Variants in DDHD2 observed in about 807,000 individuals in gnomAD.
DDHD2 encodes triacylglycerol hydrolase DDHD2.
DDHD2 carries 62 observed loss-of-function variants against 91.2 expected under a neutral mutation model. The observed-to-expected ratio is 0.68, with a 90% CI of 0.55 to 0.84. The LOEUF is 0.84. DDHD2 is among the 40% of genes least tolerant of loss of function. The pLI, the probability that DDHD2 is intolerant of heterozygous loss-of-function variation, is 0.00. For synonymous variants in DDHD2, 271 were observed against 293.9 expected (o/e 0.92, Z 0.80); for missense variants, 740 against 846.9 (o/e 0.87, Z 1.57).
downstream of DDHD2, chr8:38,264,993 G>A (rs748146050): frequency 5.1e-6 from 7 of 1,371,608 alleles, no homozygotes; most frequent in Admixed American, 8.4e-5. Flanking sequence ...TTCTCGCCGG[G>A]CACGGTGACT....
At position 38,252,952 on chromosome 8, in the gene DDHD2, T is replaced by G. The variant is rs1357537443; in HGVS notation, c.1721-5T>G. ...CATTTAATGTTCTTTATTTATATGT[T>G]TCAGAACTGAGAGAGGGCTTGACCA... On this transcript the variant is annotated splice_polypyrimidine_tract_variant and splice_region_variant and intron_variant, in intron 14 of 17. Coordinates refer to ENST00000397166, the MANE Select transcript of DDHD2 (RefSeq NM_015214.3). 1.2e-6 allele frequency: 2 copies of G among 1,613,672 alleles called. No individual in the cohort carries two copies. Among genetic ancestry groups the G allele is most frequent in the African/African-American group, 1.3e-5 (1 of 74,898 alleles).
rs757576681 is a variant in DDHD2 at position 38,252,160 on chromosome 8, A to G, written c.1490A>G (p.Tyr497Cys). 1.9e-6 allele frequency: 3 copies of G among 1,614,108 alleles called. No homozygotes were observed. The highest frequency in any genetic ancestry group is 1.1e-5 in the South Asian group (1 of 91,060). Residue 497 changes from tyrosine (Y) to cysteine (C), a missense_variant, in exon 13 of 18, where the codon TAT becomes TGT. Coordinates refer to ENST00000397166, the MANE Select transcript of DDHD2 (RefSeq NM_015214.3). ...TCTGTGAAATACCCCCGGCTCATCT[A>G]TAAACCAGAGATATTCTTTGCCTTT... ...QVSVKYPRLI[Y>C]KPEIFFAFGS...
intron 1 of DDHD2, chr8:38,269,100 C>T (rs1277226314): frequency 2.0e-6 from 3 of 1,525,890 alleles, no homozygotes; most frequent in Non-Finnish European, 2.6e-6. Context: ...CGGGGCCGCC[C>T]GGGCCCGGCC....
At chr8:38,248,757 C>T (rs956103104) in intron 10 of DDHD2, among the ~76,000 whole-genome samples, 3 of 151,584 alleles carry the variant, frequency 2.0e-5, no homozygotes, top group African/African-American at 7.3e-5. Context: ...CCAATCTAGT[C>T]AACATGGTGA....
chr8:38,235,573 T>G (rs1804651670), intron 3 of DDHD2, among the ~76,000 whole-genome samples: 1 of 151,292 alleles, frequency 6.6e-6, no homozygotes, highest in South Asian at 2.1e-4. Flanking sequence ...AATACAAAAT[T>G]AGCTGGGCAC....
intron 1 of DDHD2, chr8:38,232,259 C>T (rs1308262583): frequency 1.3e-5 from 2 of 152,464 alleles, no homozygotes; most frequent in African/African-American, 4.8e-5. Flanking sequence ...TAGAAGTGTC[C>T]TTCTGGTGCC....
chr8:38,252,686 G>A, intron 13 of DDHD2, 36 bp from the exon 14 acceptor site: 1 of 1,444,390 alleles, frequency 6.9e-7, no homozygotes, highest in Non-Finnish European at 9.7e-7. Flanking sequence ...ACTGTGCTTA[G>A]CAGAGGTAAA....
At chr8:38,242,872 G>A (rs975582928) in intron 7 of DDHD2, among the ~76,000 whole-genome samples, 15 of 152,182 alleles carry the variant, frequency 9.9e-5, no homozygotes, top group Admixed American at 7.9e-4. Context: ...TAAGGTACAA[G>A]ACCATTAGTT....
rs1207777254 is a variant in DDHD2 at position 38,233,172 on chromosome 8, A to G, written c.178A>G (p.Asn60Asp). 2 of 1,614,150 alleles carry G rather than the reference A, an allele frequency of 1.2e-6. No homozygotes were observed. The highest frequency in any genetic ancestry group is 1.7e-5 in the Admixed American group (1 of 60,016). ...TTCTAAGGAGACATGGATTCCTTTC[A>G]ACTCTGAGGATTCACAGCAGCTGGA... ...IDSKETWIPFNSEDSQQLEEA... is the reference protein window; with the variant it reads ...IDSKETWIPFDSEDSQQLEEA... Residue 60 changes from asparagine (N) to aspartate (D), a missense_variant, in exon 2 of 18, where the codon AAC (asparagine) becomes GAC (aspartate). Asn to Asp is a conservative substitution (Grantham distance 23). This residue lies in a region of DDHD2 where 693 missense variants were observed against 764.2 expected (regional missense o/e 0.91). Coordinates refer to ENST00000397166, the MANE Select transcript of DDHD2 (RefSeq NM_015214.3).
rs1315630641 is a variant in DDHD2, at chr8:38,260,051, A to G, written c.2066A>G (p.Asp689Gly). 6.2e-7 allele frequency: 1 copy of G among 1,611,354 alleles called. No individual in the cohort carries two copies. The highest frequency in any genetic ancestry group is 1.3e-5 in the African/African-American group (1 of 74,864). The change falls in exon 17 of 18, where the codon GAT (aspartate) becomes GGT (glycine). Residue 689 changes from aspartate to glycine, a missense_variant. Around this residue, in one of 2 missense-constraint regions of DDHD2, gnomAD observed 47 missense variants for 82.6 expected, o/e 0.57. Coordinates refer to ENST00000397166, the MANE Select transcript of DDHD2 (RefSeq NM_015214.3). ...TTTTCTCTTTATAGGGAGTCTGAAG[A>G]TACAGTATTGCTCGTCCTCAAAGAG... ...QSHLCYWESE[D>G]TVLLVLKEIY... is the part of the protein sequence containing the mutation.
At chr8:38,267,371 T>A (rs1286068459), downstream of DDHD2, 1 of 1,613,730 alleles carries the variant, frequency 6.2e-7, no homozygotes, top group Non-Finnish European at 8.5e-7. Flanking sequence ...GAAGCAGCGG[T>A]AGAAGAAATC....
At chr8:38,259,751 C>G (rs1806826719) in intron 16 of DDHD2, among the ~76,000 whole-genome samples, 1 of 152,168 alleles carries the variant, frequency 6.6e-6, no homozygotes, top group South Asian at 2.1e-4. Flanking sequence ...AATTCCAGAC[C>G]TGTAGTGACT....
intron 15 of DDHD2, 158 bp downstream of exon 15, chr8:38,253,285 C>A: frequency 1.1e-6 from 1 of 872,778 alleles, no homozygotes; most frequent in Non-Finnish European, 1.7e-6. Context: ...TCTATTCCTG[C>A]TTGCATTTAG....
chr8:38,260,307 G>GA (rs543079094), intron 17 of DDHD2, 160 bp downstream of exon 17: 9 of 493,356 alleles, frequency 1.8e-5, no homozygotes, highest in Non-Finnish European at 3.3e-5. Context: ...AATTCATGGG[G>GA]AAAAAAACAC....
chr8:38,261,941 G>A lies in DDHD2; in HGVS notation c.*1368G>A, dbSNP rs1203823206. ...ATTGTTTATAAATTTTTTTATAAAT[G>A]TTATGGTATTCAAAGCCACTGACAT... On this transcript the variant is annotated 3_prime_UTR_variant, in exon 18 of 18. Transcript: ENST00000397166. The A allele has an allele frequency of 3.3e-5, 5 of 152,102 alleles. No individual in the cohort carries two copies. The highest frequency in any genetic ancestry group is 5.9e-5 in the Non-Finnish European group (4 of 68,022). 9.4% of individuals were successfully genotyped at this position (152,102 alleles called of 1,614,324 possible).
chr8:38,267,543 G>GA, downstream of DDHD2: 1 of 870,070 alleles, frequency 1.1e-6, no homozygotes, highest in African/African-American at 1.8e-5. Flanking sequence ...CACACTAAGA[G>GA]AAAAGCCTTT....
intron 6 of DDHD2, 104 bp downstream of exon 6, chr8:38,240,468 G>T (rs1197503577): frequency 3.6e-6 from 3 of 823,008 alleles, no homozygotes; most frequent in Non-Finnish European, 5.7e-6. Flanking sequence ...AAGATTTGGA[G>T]AGTTAAAGAC....
chr8:38,269,325 C>T (rs892580810), intron 1 of DDHD2: 18 of 1,033,270 alleles, frequency 1.7e-5, no homozygotes, highest in African/African-American at 3.4e-5. Flanking sequence ...GGAAGACGGC[C>T]TGGCGGCTGT....
chr8:38,240,781 G>A (rs1585715443), intron 6 of DDHD2, among the ~76,000 whole-genome samples: 2 of 152,110 alleles, frequency 1.3e-5, no homozygotes, highest in South Asian at 2.1e-4. Flanking sequence ...ATTTTGAAAG[G>A]TGTCCTCTAG....
Sources: gnomAD v4.1 joint callset for allele counts (sites outside exome capture counted in the v4.1 genomes callset) on GRCh38, gnomAD v4.1.1 for gene constraint, gnomAD v4.1.1 regional missense constraint, MANE v1.5 for transcripts, NCBI Gene and HGNC (gene_info 2026-07-23, HGNC 2026-07-21) for gene names.